The following CUL5 variants were observed in gnomAD, a reference collection of about 807,000 sequenced individuals.
CUL5 encodes the protein cullin-5.
Under a neutral mutation model 108.8 loss-of-function variants are expected in CUL5, and 26 were observed. The observed-to-expected ratio is 0.24, with a 90% confidence interval of 0.18 to 0.33. The LOEUF is 0.33. Among genes scored for constraint, CUL5 ranks in the 10% least tolerant of loss-of-function variants. The probability of loss-of-function intolerance (pLI) is 1.00; values close to 1 mark genes in which losing one functional copy is unlikely to be tolerated. For synonymous variants in CUL5, 334 were observed against 298.0 expected, an observed-to-expected ratio of 1.12 and a Z score of -1.25; for missense variants, 524 against 909.2, an observed-to-expected ratio of 0.58 and a Z score of 5.45.
intron 2 of CUL5, among the ~76,000 whole-genome samples, chr11:108,044,620 A>G (rs1863022243): frequency 6.6e-6 from 1 of 152,104 alleles, no homozygotes; most frequent in Non-Finnish European, 1.5e-5. Context: ...TCCATTATGA[A>G]TTGAATGAAT....
At chr11:108,017,688 A>G (rs1228399741) in intron 1 of CUL5, among the ~76,000 whole-genome samples, 1 of 152,174 alleles carries the variant, frequency 6.6e-6, no homozygotes, top group Non-Finnish European at 1.5e-5. Flanking sequence ...CATCTCTACA[A>G]AAAATTTAAT....
intron 18 of CUL5, among the ~76,000 whole-genome samples, chr11:108,102,187 A>AT (rs1398903962): frequency 6.6e-6 from 1 of 151,694 alleles, no homozygotes; most frequent in Non-Finnish European, 1.5e-5. Flanking sequence ...ACACTGAGCT[A>AT]TTTTTTGTAT....
chr11:108,103,553 T>C lies in CUL5; in HGVS notation c.2149-637T>C, dbSNP rs1156259072. Among the ~76,000 whole-genome samples the C allele has an allele frequency of 2.0e-5, 3 of 152,310 alleles. No homozygotes were observed. In the East Asian group the frequency reaches 5.8e-4, roughly 29 times the overall value. On this transcript the variant is annotated intron_variant, in intron 18 of 18. Transcript: ENST00000393094. ...TTTAAAACAGACCCCACCTGACCTG[T>C]ACTGCTATACAAAGAAATAACTGAA...
chr11:108,062,872 G>A (rs2135160253), intron 7 of CUL5, among the ~76,000 whole-genome samples: 1 of 152,152 alleles, frequency 6.6e-6, no homozygotes, highest in Middle Eastern at 3.4e-3. Context: ...ACGGAGTTTT[G>A]CTCTTGTTGC....
intron 11 of CUL5, among the ~76,000 whole-genome samples, chr11:108,080,888 C>G (rs967164525): frequency 6.6e-6 from 1 of 151,856 alleles, no homozygotes; most frequent in Non-Finnish European, 1.5e-5. Context: ...TTCAGTTTAC[C>G]TATTTTTTTC....
chr11:108,080,761 G>C (rs1049659785), intron 11 of CUL5, among the ~76,000 whole-genome samples: 33 of 152,084 alleles, frequency 2.2e-4, no homozygotes, highest in Admixed American at 2.1e-3. Context: ...TATATATTCT[G>C]GTACTGGATC....
intron 13 of CUL5, among the ~76,000 whole-genome samples, chr11:108,092,348 A>T (rs1284821331): frequency 1.3e-5 from 2 of 152,218 alleles, no homozygotes; most frequent in Non-Finnish European, 2.9e-5. Flanking sequence ...TTTCACTCTT[A>T]GGTAATTCAT....
At chr11:108,088,701 C>T in intron 12 of CUL5, 42 bp downstream of exon 12, 1 of 1,493,856 alleles carries the variant, frequency 6.7e-7, no homozygotes, top group South Asian at 1.3e-5. Context: ...AATTACCTTA[C>T]TTTGAATTTG....
At chr11:108,047,060 G>C (rs1863085948) in intron 3 of CUL5, among the ~76,000 whole-genome samples, 1 of 152,142 alleles carries the variant, frequency 6.6e-6, no homozygotes, top group Non-Finnish European at 1.5e-5. Flanking sequence ...GCTCAGGCCT[G>C]TAATCCCAGC....
At chr11:108,053,611 T>G (rs1863294033) in intron 5 of CUL5, among the ~76,000 whole-genome samples, 1 of 152,078 alleles carries the variant, frequency 6.6e-6, no homozygotes, top group Admixed American at 6.5e-5. Context: ...ATGGTGTTCA[T>G]AAGATTAATG....
chr11:108,090,004 C>G (rs1864311469), intron 13 of CUL5, among the ~76,000 whole-genome samples: 1 of 150,648 alleles, frequency 6.6e-6, no homozygotes, highest in South Asian at 2.1e-4. Context: ...CGTGCCATTG[C>G]ACTCCAGCCT....
chr11:108,045,213 T>A (rs1284083074), intron 2 of CUL5, among the ~76,000 whole-genome samples: 1 of 152,248 alleles, frequency 6.6e-6, no homozygotes, highest in Non-Finnish European at 1.5e-5. Context: ...GTTTTTGTTT[T>A]TTTGTTTAAA....
chr11:108,097,967 A>G (rs896071797), intron 17 of CUL5, among the ~76,000 whole-genome samples: 3 of 152,150 alleles, frequency 2.0e-5, no homozygotes, highest in Non-Finnish European at 4.4e-5. Flanking sequence ...CTGACATTAT[A>G]CTGTATTGCA....
chr11:108,061,004 CA>C (rs1863520116), intron 7 of CUL5, among the ~76,000 whole-genome samples: 1 of 152,090 alleles, frequency 6.6e-6, no homozygotes. Flanking sequence ...GTTAAAACAT[CA>C]AGCACATTGA....
chr11:108,096,523 G>C (rs926465961), intron 16 of CUL5, among the ~76,000 whole-genome samples: 1 of 145,326 alleles, frequency 6.9e-6, no homozygotes, highest in African/African-American at 2.6e-5. Flanking sequence ...GATTGAGTTG[G>C]TATTTAAGTG....
At chr11:108,022,551 T>C (rs1862352460) in intron 1 of CUL5, among the ~76,000 whole-genome samples, 1 of 152,198 alleles carries the variant, frequency 6.6e-6, no homozygotes, top group Non-Finnish European at 1.5e-5. Context: ...TAGAAAGATC[T>C]ATGTAACATC....
chr11:108,019,723 AATT>A (rs1862283610), intron 1 of CUL5, among the ~76,000 whole-genome samples: 2 of 152,018 alleles, frequency 1.3e-5, no homozygotes, highest in Admixed American at 6.6e-5. Flanking sequence ...AGGATAATAA[AATT>A]ATTATCCTAA....
chr11:108,075,192 ATT>A (rs1021938662), intron 10 of CUL5, among the ~76,000 whole-genome samples: 6 of 146,566 alleles, frequency 4.1e-5, no homozygotes, highest in Non-Finnish European at 3.0e-5. Flanking sequence ...TAGTTCGATA[ATT>A]TTTTTTTTTT....
At chr11:108,065,687 A>G (rs1863659674) in intron 7 of CUL5, among the ~76,000 whole-genome samples, 1 of 152,198 alleles carries the variant, frequency 6.6e-6, no homozygotes, top group Non-Finnish European at 1.5e-5. Flanking sequence ...GAGGGGTAAC[A>G]TTGGCGATTC....
Sources: allele counts gnomAD v4.1 joint callset (sites outside exome capture counted in the v4.1 genomes callset), GRCh38; gene constraint gnomAD v4.1.1; transcripts MANE v1.5; gene names NCBI Gene and HGNC (gene_info 2026-07-23, HGNC 2026-07-21).